The following RACGAP1 variants were observed in gnomAD, a reference collection of about 807,000 sequenced individuals.
The protein encoded by RACGAP1 is Rac GTPase activating protein 1, also known as rac GTPase-activating protein 1.
RACGAP1 carries 30 observed loss-of-function variants against 78.1 expected under a neutral mutation model. The observed-to-expected ratio is 0.38, with a 90% confidence interval of 0.29 to 0.52. RACGAP1 has a LOEUF of 0.52. RACGAP1 is among the 20% of genes least tolerant of loss of function. The pLI is 0.82. For missense variants in RACGAP1, 587 were observed against 777.1 expected, an observed-to-expected ratio of 0.76 and a Z score of 2.91; for synonymous variants, 231 against 264.8, an observed-to-expected ratio of 0.87 and a Z score of 1.24.
chr12:50,030,074 C>T (rs1379298997), upstream of RACGAP1, among the ~76,000 whole-genome samples: 7 of 152,088 alleles, frequency 4.6e-5, no homozygotes, highest in Non-Finnish European at 5.9e-5. Flanking sequence ...AGTTCAAGAC[C>T]ATCCTGGGGA....
intron 2 of RACGAP1, among the ~76,000 whole-genome samples, chr12:50,009,463 C>T (rs1031151416): frequency 4.9e-5 from 3 of 60,690 alleles, no homozygotes; most frequent in African/African-American, 8.1e-5. Context: ...TCCAGAAATC[C>T]TGATTTTTTT....
At chr12:50,009,242 CAAAAAAAAAAAA>C (rs397751749) in intron 2 of RACGAP1, among the ~76,000 whole-genome samples, 1 of 65,260 alleles carries the variant, frequency 1.5e-5, no homozygotes, top group Non-Finnish European at 3.4e-5. Flanking sequence ...GATGCTGTCT[CAAAAAAAAAAAA>C]AAAAAAAAAG....
Position 49,999,598 on chromosome 12 carries a change from G to T in RACGAP1, c.748+18C>A. ...TAGTTGTTTTACACAGGCCAGTTTA[G>T]TCACAAATTCAATGGACCTGTTTTC... On this transcript the variant is annotated intron_variant, in intron 8 of 16. Coordinates refer to ENST00000312377, the MANE Select transcript of RACGAP1 (RefSeq NM_001319999.2). 1 of 1,599,112 alleles carries T rather than the reference G, an allele frequency of 6.3e-7. No individual in the cohort carries two copies. The highest frequency in any genetic ancestry group is 8.6e-7 in the Non-Finnish European group (1 of 1,166,594).
Position 50,006,575 on chromosome 12 carries a change from A to G in RACGAP1, c.147T>C (p.His49=), listed in dbSNP as rs779535943. 1.9e-6 allele frequency: 3 copies of G among 1,614,178 alleles called. No individual in the cohort carries two copies. Among genetic ancestry groups the G allele is most frequent in the East Asian group, 2.2e-5 (1 of 44,882 alleles). Residue 49 remains histidine (H), a synonymous_variant, in exon 3 of 17, where the codon CAT becomes CAC. Coordinates refer to ENST00000312377, the MANE Select transcript of RACGAP1 (RefSeq NM_001319999.2). ...AAAGATCCTTGTATTTCCCCAGCTCATGGTCAGTCCTCTGCCACTTTTTAC... is the reference window on the plus strand; with the variant it reads ...AAAGATCCTTGTATTTCCCCAGCTCGTGGTCAGTCCTCTGCCACTTTTTAC... ...DFRKKWQRTD[H]ELGKYKDLLM...
intron 2 of RACGAP1, among the ~76,000 whole-genome samples, chr12:50,010,643 A>G (rs2137516876): frequency 6.6e-6 from 1 of 151,922 alleles, no homozygotes; most frequent in East Asian, 2.0e-4. Flanking sequence ...TTTTTAAAAA[A>G]CAATACAGGC....
chr12:50,018,157 C>CAA lies in RACGAP1; in HGVS notation c.-4-1440_-4-1439dup, dbSNP rs5798123. Among the ~76,000 whole-genome samples, 362 of 121,430 alleles carry CAA rather than the reference C, an allele frequency of 3.0e-3. 5 individuals carry two copies. Among genetic ancestry groups the CAA allele is most frequent in the Middle Eastern group, 8.7e-3 (2 of 230 alleles). 79.7% of individuals were successfully genotyped at this position (121,430 alleles called of 152,430 possible). A position where few individuals can be genotyped will look rare whatever the true frequency, so the allele number is the denominator to read the frequency against. On this transcript the variant is annotated intron_variant, in intron 1 of 16. Transcript: ENST00000312377. ...TGGGTGCCAGAGTAAGACTCTGTCT[C>CAA]AAAAAAAAAAAAAAAAGAATATATA...
In RACGAP1 at chr12:49,994,472, A is replaced by G; in HGVS notation, c.1082T>C (p.Met361Thr). The G allele has an allele frequency of 6.2e-7, 1 of 1,614,040 alleles. No homozygotes were observed. Among genetic ancestry groups the G allele is most frequent in the East Asian group, 2.2e-5 (1 of 44,884 alleles). ...ACAATGCACAACAATGGAGGGGATC[A>G]TTGGAGAAGTCTGGGACACAAAGTC... ...LADFVSQTSP[M>T]IPSIVVHCVN... Residue 361 changes from methionine (M) to threonine (T), a missense_variant, in exon 11 of 17, where the codon ATG becomes ACG. Coordinates refer to ENST00000312377, the MANE Select transcript of RACGAP1 (RefSeq NM_001319999.2).
rs377147017 is a variant in RACGAP1 at position 49,992,210 on chromosome 12, C to G, written c.1578+35G>C. ...CTGTCTTTCAAGTTATCACATTACA[C>G]AAGTTCACATACACACACACACGCA... On this transcript the variant is annotated intron_variant, in intron 14 of 16. Transcript: ENST00000312377. 2.0e-5 allele frequency: 32 copies of G among 1,613,090 alleles called. No homozygotes were observed. The African/African-American group carries it at 2.9e-4, about 15-fold the overall frequency.
chr12:49,990,847 T>TAAAA, intron 15 of RACGAP1, 55 bp from the exon 16 acceptor site: 1 of 1,381,074 alleles, frequency 7.2e-7, no homozygotes, highest in Non-Finnish European at 1.0e-6. Flanking sequence ...GGCATCTTTT[T>TAAAA]AGATGGCTAG....
chr12:50,013,727 C>G (rs141271226), intron 2 of RACGAP1, among the ~76,000 whole-genome samples: 35 of 152,354 alleles, frequency 2.3e-4, no homozygotes, highest in African/African-American at 7.0e-4. Context: ...TAAAATACCC[C>G]CTTTCATCTC....
chr12:50,031,618 T>C (rs1323571325), intron 2 of RACGAP1: 2 of 933,672 alleles, frequency 2.1e-6, no homozygotes, highest in African/African-American at 3.6e-5. Context: ...CCTGGGGCCT[T>C]CAACCTTCCC....
At chr12:50,021,804 A>AT (rs1950022769) in intron 1 of RACGAP1, among the ~76,000 whole-genome samples, 1 of 152,238 alleles carries the variant, frequency 6.6e-6, no homozygotes, top group Non-Finnish European at 1.5e-5. Flanking sequence ...GCTGTCAAGG[A>AT]AAACCATTCT....
At chr12:50,030,723 A>C (rs1240350774) in intron 2 of RACGAP1, among the ~76,000 whole-genome samples, 2 of 152,076 alleles carry the variant, frequency 1.3e-5, no homozygotes, top group Non-Finnish European at 2.9e-5. Context: ...TAATATATAT[A>C]CATTATACTT....
intron 2 of RACGAP1, among the ~76,000 whole-genome samples, chr12:50,015,656 G>C (rs927802148): frequency 2.0e-5 from 3 of 151,894 alleles, no homozygotes; most frequent in Admixed American, 2.0e-4. Flanking sequence ...AAAAAAATTA[G>C]CCGGACGTGG....
rs142939207 is a variant in RACGAP1 at position 50,013,316 on chromosome 12, G to C, written c.85+3315C>G. On this transcript the variant is annotated intron_variant, in intron 2 of 16. Transcript: ENST00000312377. ...ATAGCACTCCCACAAAGAAAATAAA[G>C]ATGTTTAAATTCCTATTTTATAGGT... Among the ~76,000 whole-genome samples the C allele has an allele frequency of 8.8e-3, 1,337 of 152,164 alleles. 56 individuals carry two copies. The South Asian group carries it at 0.14, about 16-fold the overall frequency.
At chr12:50,004,161 A>C in intron 5 of RACGAP1, 74 bp downstream of exon 5, 2 of 1,546,244 alleles carry the variant, frequency 1.3e-6, no homozygotes, top group Non-Finnish European at 1.8e-6. Context: ...TTCAGAAGAG[A>C]AGACAGGAGA....
In RACGAP1 at chr12:49,990,783, A is replaced by C; in HGVS notation, c.1724T>G (p.Leu575Arg). 1 of 1,611,904 alleles carries C rather than the reference A, an allele frequency of 6.2e-7. No individual in the cohort carries two copies. The highest frequency in any genetic ancestry group is 8.5e-7 in the Non-Finnish European group (1 of 1,178,806). Residue 575 changes from leucine (L) to arginine (R), a missense_variant, in exon 16 of 17, where the codon CTG (leucine) becomes CGG (arginine). By Grantham distance (102) the Leu-to-Arg change is moderately radical. Transcript: ENST00000312377. ...PQTPDIKVSL[L>R]GPVTTPEHQL... Reference sequence around the variant, plus strand: ...ATGTTCAGGAGTGGTCACAGGTCCCAGTAAACTCACTTCAAAGTTCAGACA... The same window carrying C: ...ATGTTCAGGAGTGGTCACAGGTCCCCGTAAACTCACTTCAAAGTTCAGACA...
chr12:50,025,370 C>A (rs1950231670), intron 1 of RACGAP1, 28 bp downstream of exon 1: 1 of 985,698 alleles, frequency 1.0e-6, no homozygotes, highest in Admixed American at 6.1e-5. Context: ...GCGGCAGACG[C>A]ACCTGGTCTG....
intron 1 of RACGAP1, among the ~76,000 whole-genome samples, chr12:50,020,008 T>C (rs981493817): frequency 6.6e-6 from 1 of 152,174 alleles, no homozygotes; most frequent in Non-Finnish European, 1.5e-5. Context: ...AATCTAGGTG[T>C]TTTCCCCCCT....
Sources: gnomAD v4.1 joint callset for allele counts (sites outside exome capture counted in the v4.1 genomes callset) on GRCh38, gnomAD v4.1.1 for gene constraint, MANE v1.5 for transcripts, NCBI Gene and HGNC (gene_info 2026-07-23, HGNC 2026-07-21) for gene names.